The following EPB41L1 variants were observed in gnomAD, a reference collection of about 807,000 sequenced individuals.
EPB41L1 encodes band 4.1-like protein 1.
A neutral mutation model predicts 97.8 loss-of-function variants in EPB41L1; 29 were observed. The ratio of observed to expected loss-of-function variants is 0.30; its 90% CI spans 0.22 to 0.40. EPB41L1 has a LOEUF of 0.40. Among genes scored for constraint, EPB41L1 ranks in the 10% least tolerant of loss-of-function variants. EPB41L1 has a pLI of 1.00. For synonymous variants in EPB41L1, 383 were observed against 459.2 expected (o/e 0.83, Z 2.12); for missense variants, 812 against 1,162.3 (o/e 0.70, Z 4.38).
chr20:36,106,758 TG>T (rs2058203465), intron 1 of EPB41L1, among the ~76,000 whole-genome samples: 1 of 152,254 alleles, frequency 6.6e-6, no homozygotes, highest in South Asian at 2.1e-4. Flanking sequence ...GAGCTGCAGC[TG>T]CCCTATACAG....
At chr20:36,097,194 T>A (rs2057859269) in intron 1 of EPB41L1, among the ~76,000 whole-genome samples, 1 of 152,238 alleles carries the variant, frequency 6.6e-6, no homozygotes, top group African/African-American at 2.4e-5. Context: ...GCCAATCACT[T>A]TCCCCTTTTG....
chr20:36,197,481 T>C lies in EPB41L1; in HGVS notation c.1486-378T>C, dbSNP rs2062262868. Among the ~76,000 whole-genome samples the C allele has an allele frequency of 3.9e-5, 6 of 152,204 alleles. No individual in the cohort carries two copies. In the South Asian group the frequency reaches 1.2e-3, roughly 31 times the overall value. On this transcript the variant is annotated intron_variant, in intron 13 of 21. Transcript: ENST00000338074. ...GCAGTTGCTGCCTGCTATGCCTTAG[T>C]TGTAACAGAGGGAAGTCACCTCTGT...
At chr20:36,155,026 A>G (rs1384421451) in intron 1 of EPB41L1, 130 bp downstream of exon 1, 1 of 848,112 alleles carries the variant, frequency 1.2e-6, no homozygotes, top group African/African-American at 1.8e-5. Flanking sequence ...TCCCCTGGCC[A>G]GTGTGGGGGA....
At chr20:36,096,019 C>G (rs1323436599) in intron 1 of EPB41L1, among the ~76,000 whole-genome samples, 2 of 151,150 alleles carry the variant, frequency 1.3e-5, no homozygotes, top group African/African-American at 2.4e-5. Flanking sequence ...GAGCGAGACT[C>G]CATCTCAGGG....
chr20:36,195,492 C>T lies in EPB41L1; in HGVS notation c.1485+128C>T. On this transcript the variant is annotated intron_variant, in intron 13 of 21. Coordinates refer to ENST00000338074, the MANE Select transcript of EPB41L1 (RefSeq NM_012156.2). The surrounding 1 kb of genome is among the most constrained non-coding windows in gnomAD (Gnocchi z 4.6). ...CAGCTTCAACTTCATCTCTGCTCCC[C>T]AGCCATCCCCCTCTGCAGCCGTCCT... 1 of 1,098,310 alleles carries T rather than the reference C, an allele frequency of 9.1e-7. No homozygotes were observed. The highest frequency in any genetic ancestry group is 1.4e-6 in the Non-Finnish European group (1 of 732,578). 68.0% of individuals were successfully genotyped at this position (1,098,310 alleles called of 1,614,324 possible). A position where few individuals can be genotyped will look rare whatever the true frequency, so the allele number is the denominator to read the frequency against.
chr20:36,164,381 G>T (rs949107263), intron 1 of EPB41L1, among the ~76,000 whole-genome samples: 1 of 152,186 alleles, frequency 6.6e-6, no homozygotes, highest in African/African-American at 2.4e-5. Flanking sequence ...CAAAACAAGA[G>T]ACTTTTTTTC....
Position 36,173,943 on chromosome 20 carries a change from C to T in EPB41L1, c.166C>T (p.Pro56Ser). 6.2e-7 allele frequency: 1 copy of T among 1,613,064 alleles called. No individual in the cohort carries two copies. Among genetic ancestry groups the T allele is most frequent in the Non-Finnish European group, 8.5e-7 (1 of 1,179,492 alleles). Residue 56 changes from proline to serine, a missense_variant, in exon 2 of 22, where the codon CCT (proline) becomes TCT (serine). Pro to Ser is a moderately conservative substitution (Grantham distance 74). Transcript: ENST00000338074. ...EKHPSQQDTR[P>S]AEQSLDMEEK... ...GCATCCATCCCAGCAGGACACGCGGCCTGCTGAACAGGTGTGTGCCCGAGA... is the reference window on the plus strand; with the variant it reads ...GCATCCATCCCAGCAGGACACGCGGTCTGCTGAACAGGTGTGTGCCCGAGA...
chr20:36,188,472 C>T lies in EPB41L1; in HGVS notation c.999C>T (p.Asn333=). ...TCAAGATCTCCTACAAGAGGAGTAACTTCTATATCAAGATCCGGCCTGGGG... is the reference window on the plus strand; with the variant it reads ...TCAAGATCTCCTACAAGAGGAGTAATTTCTATATCAAGATCCGGCCTGGGG... ...KILKISYKRS[N]FYIKIRPGEY... Residue 333 remains asparagine, a synonymous_variant, in exon 9 of 22, where the codon AAC becomes AAT. Coordinates refer to ENST00000338074, the MANE Select transcript of EPB41L1 (RefSeq NM_012156.2). 6.2e-7 allele frequency: 1 copy of T among 1,613,784 alleles called. No homozygotes were observed. Among genetic ancestry groups the T allele is most frequent in the Non-Finnish European group, 8.5e-7 (1 of 1,179,968 alleles).
At chr20:36,171,837 C>T (rs957779571) in intron 1 of EPB41L1, among the ~76,000 whole-genome samples, 5 of 152,110 alleles carry the variant, frequency 3.3e-5, no homozygotes, top group Non-Finnish European at 5.9e-5. Context: ...GGGGAGAGGG[C>T]GTGCCATGCC....
In EPB41L1 at chr20:36,209,507, G is replaced by A. The variant is rs1444150515; in HGVS notation, c.1688G>A (p.Gly563Asp). Reference sequence around the variant, plus strand: ...CCATAGAGAGCAGGGCTGAGGGAGGGCTCCGAGGAGAAAGTCAAACCACCA... The same window carrying A: ...CCATAGAGAGCAGGGCTGAGGGAGGACTCCGAGGAGAAAGTCAAACCACCA... ...KANERAGLRE[G>D]SEEKVKPPRP... The change falls in exon 15 of 22, where the codon GGC (glycine) becomes GAC (aspartate). Residue 563 changes from glycine to aspartate, a missense_variant. Coordinates refer to ENST00000338074, the MANE Select transcript of EPB41L1 (RefSeq NM_012156.2). This position sits in a 1 kb window ranked among gnomAD's most constrained non-coding sequence, Gnocchi z 4.2. The A allele has an allele frequency of 1.2e-6, 2 of 1,613,816 alleles. No individual in the cohort carries two copies. Among genetic ancestry groups the A allele is most frequent in the Non-Finnish European group, 1.7e-6 (2 of 1,179,968 alleles).
chr20:36,166,820 A>G (rs544186940), intron 1 of EPB41L1, among the ~76,000 whole-genome samples: 25 of 152,224 alleles, frequency 1.6e-4, no homozygotes, highest in African/African-American at 5.3e-4. Context: ...AGCTGAGATC[A>G]TGCCACTGCA....
rs539591547 is a variant in EPB41L1, at chr20:36,120,468, TA to T, written c.-10+7989del. The stretch of plus-strand genomic sequence containing the variant: ...AAGCACACACAGGCCTTGAAGTCCA[TA>T]CATTCCATGTGACGGGCAATCTGCC... On this transcript the variant is annotated intron_variant, in intron 2 of 19. Transcript: ENST00000202028. Among the ~76,000 whole-genome samples, 28 of 152,340 alleles carry T rather than the reference TA, an allele frequency of 1.8e-4. No individual in the cohort carries two copies. The East Asian group carries it at 5.2e-3, about 28-fold the overall frequency.
At chr20:36,097,455 A>AACATTTGATAAATG (rs1457886067) in intron 1 of EPB41L1, among the ~76,000 whole-genome samples, 1 of 152,262 alleles carries the variant, frequency 6.6e-6, no homozygotes, top group African/African-American at 2.4e-5. Flanking sequence ...GTGCATAAGA[A>AACATTTGATAAATG]ACATTTGATA....
intron 21 of EPB41L1, among the ~76,000 whole-genome samples, chr20:36,228,197 T>A (rs1190149371): frequency 6.6e-6 from 1 of 152,220 alleles, no homozygotes; most frequent in East Asian, 1.9e-4. Context: ...GGCACAGTGT[T>A]GAACACTGGA....
intron 1 of EPB41L1, among the ~76,000 whole-genome samples, chr20:36,098,582 A>T (rs2057909579): frequency 6.6e-6 from 1 of 152,174 alleles, no homozygotes; most frequent in South Asian, 2.1e-4. Flanking sequence ...TTCTAAGGAC[A>T]CCAGTCATAT....
chr20:36,178,585 C>T, intron 4 of EPB41L1, 45 bp from the exon 5 acceptor site: 1 of 1,595,320 alleles, frequency 6.3e-7, no homozygotes, highest in South Asian at 1.1e-5. Flanking sequence ...CCAGTCAGGT[C>T]CTTTCCTGCG....
chr20:36,139,072 A>T (rs1205275738), intron 2 of EPB41L1, among the ~76,000 whole-genome samples: 1 of 152,210 alleles, frequency 6.6e-6, no homozygotes, highest in African/African-American at 2.4e-5. Context: ...ACAGGCTCTT[A>T]TTCAGCCTCT....
At position 36,201,018 on chromosome 20, in the gene EPB41L1, C is replaced by A. The variant is rs551505448; in HGVS notation, c.1668+2977C>A. The A allele has an allele frequency of 3.5e-5, 16 of 455,970 alleles. No individual in the cohort carries two copies. The East Asian group carries it at 1.1e-3, about 32-fold the overall frequency. The allele number at this position is 455,970 out of a possible 1,614,324, so 28.2% of individuals were successfully genotyped here. A position where few individuals can be genotyped will look rare whatever the true frequency, so the allele number is the denominator to read the frequency against. On this transcript the variant is annotated intron_variant, in intron 14 of 21. Coordinates refer to ENST00000338074, the MANE Select transcript of EPB41L1 (RefSeq NM_012156.2). ...TTCCTGTGCCCCTTCCTCCTGCCCA[C>A]CCAGAACCACCCTCTGTGGTCTTAA...
rs764479711 is a variant in EPB41L1 at position 36,209,706 on chromosome 20, T to C, written c.1887T>C (p.His629=). Residue 629 remains histidine, a synonymous_variant, in exon 15 of 22, where the codon CAT becomes CAC. Coordinates refer to ENST00000338074, the MANE Select transcript of EPB41L1 (RefSeq NM_012156.2). This position sits in a 1 kb window ranked among gnomAD's most constrained non-coding sequence, Gnocchi z 4.2. ...EVDFTVIGDY[H]GSAFEDFSRS... is the part of the protein sequence containing the mutation. ...ACTTCACGGTCATTGGTGACTACCA[T>C]GGCAGCGCCTTCGAAGACTTCTCCC... is the stretch of plus-strand genomic sequence containing the variant. The C allele has an allele frequency of 8.7e-6, 14 of 1,610,356 alleles. No homozygotes were observed. In the Admixed American group the frequency reaches 1.0e-4, roughly 12 times the overall value.
Sources: gnomAD v4.1 joint callset for allele counts (sites outside exome capture counted in the v4.1 genomes callset) on GRCh38, gnomAD v4.1.1 for gene constraint, Gnocchi (gnomAD v3.1) non-coding constraint, MANE v1.5 for transcripts, NCBI Gene and HGNC (gene_info 2026-07-23, HGNC 2026-07-21) for gene names.